SLC25A26: variants seen among roughly 807,000 people sequenced by gnomAD.
SLC25A26 encodes the protein solute carrier family 25 member 26.
SLC25A26 carries 36 observed loss-of-function variants against 37.8 expected under a neutral mutation model. The ratio of observed to expected loss-of-function variants is 0.95; its 90% CI spans 0.73 to 1.26. The LOEUF (loss-of-function observed/expected upper bound fraction) is 1.26, where lower values mean the gene tolerates loss of function less well. Among genes scored for constraint, SLC25A26 ranks in the 50% most tolerant of loss-of-function variants. The pLI is 0.00. For missense variants in SLC25A26, 390 were observed against 331.1 expected (o/e 1.18, Z -1.38); for synonymous variants, 129 against 122.5 (o/e 1.05, Z -0.35).
chr3:66,150,603 GATATATATATATATATATATATATATAT>G (rs1169750069), intron 1 of SLC25A26, among the ~76,000 whole-genome samples: 529 of 26,124 alleles, frequency 0.02, 19 homozygotes, highest in South Asian at 0.18. Context: ...TATGTAATGA[GATATATATATATATATATATATATATAT>G]ATATATATAT....
chr3:66,349,690 G>C (rs988308410), intron 6 of SLC25A26, among the ~76,000 whole-genome samples: 5 of 152,120 alleles, frequency 3.3e-5, no homozygotes, highest in African/African-American at 9.7e-5. Flanking sequence ...ATGGATGTAG[G>C]TTTTTACTTC....
At chr3:66,301,616 G>C in intron 5 of SLC25A26, among the ~76,000 whole-genome samples, 1 of 152,130 alleles carries the variant, frequency 6.6e-6, no homozygotes, top group Non-Finnish European at 1.5e-5. Context: ...ATTTTCATTT[G>C]GGAAAAATGC....
At chr3:66,208,887 C>T (rs1393709257) in intron 1 of SLC25A26, among the ~76,000 whole-genome samples, 2 of 24,070 alleles carry the variant, frequency 8.3e-5, no homozygotes, top group Non-Finnish European at 1.9e-4. Flanking sequence ...TATATATATA[C>T]ACCTTTATAT....
intron 5 of SLC25A26, among the ~76,000 whole-genome samples, chr3:66,302,014 A>G (rs1403081569): frequency 6.6e-6 from 1 of 150,650 alleles, no homozygotes; most frequent in Admixed American, 6.6e-5. Flanking sequence ...AGTCCTATAT[A>G]AATGTTATAA....
intron 1 of SLC25A26, among the ~76,000 whole-genome samples, chr3:66,205,989 T>C (rs1269604222): frequency 1.3e-5 from 2 of 152,204 alleles, no homozygotes; most frequent in African/African-American, 4.8e-5. Flanking sequence ...GTTAGTGCTG[T>C]AAGCAACTAT....
At chr3:66,321,426 C>T (rs531622773) in intron 5 of SLC25A26, among the ~76,000 whole-genome samples, 4 of 152,262 alleles carry the variant, frequency 2.6e-5, no homozygotes, top group African/African-American at 7.2e-5. Flanking sequence ...TCTCAGAGTG[C>T]GCTAGTATGG....
intron 1 of SLC25A26, among the ~76,000 whole-genome samples, chr3:66,212,690 T>C (rs1447810531): frequency 1.3e-5 from 2 of 152,166 alleles, no homozygotes; most frequent in Admixed American, 1.3e-4. Flanking sequence ...CTTTTATCTC[T>C]ATAAATTTGA....
intron 5 of SLC25A26, among the ~76,000 whole-genome samples, chr3:66,335,200 G>A (rs535280677): frequency 5.1e-4 from 77 of 152,278 alleles, no homozygotes; most frequent in African/African-American, 7.7e-4. Flanking sequence ...GTGAAGCATG[G>A]CTTTTCTTTA....
At chr3:66,254,496 A>G (rs983388043) in intron 3 of SLC25A26, among the ~76,000 whole-genome samples, 4 of 152,224 alleles carry the variant, frequency 2.6e-5, no homozygotes, top group African/African-American at 9.6e-5. Flanking sequence ...TTTGAATACG[A>G]TGAAGCTTTG....
At chr3:66,187,388 C>A (rs1007672996) in intron 1 of SLC25A26, among the ~76,000 whole-genome samples, 37 of 152,230 alleles carry the variant, frequency 2.4e-4, no homozygotes, top group African/African-American at 8.7e-4. Context: ...TCACTCTGAA[C>A]CTGACTTGCA....
At chr3:66,307,290 G>A (rs1056301488) in intron 5 of SLC25A26, among the ~76,000 whole-genome samples, 3 of 152,086 alleles carry the variant, frequency 2.0e-5, no homozygotes, top group African/African-American at 7.2e-5. Context: ...TTTGTTGGCC[G>A]CATAAATGTC....
At chr3:66,167,328 T>G (rs2070438346) in intron 1 of SLC25A26, among the ~76,000 whole-genome samples, 1 of 152,124 alleles carries the variant, frequency 6.6e-6, no homozygotes, top group Non-Finnish European at 1.5e-5. Context: ...CTGTGGGAAA[T>G]AATCTGCAAC....
intron 5 of SLC25A26, among the ~76,000 whole-genome samples, chr3:66,277,715 G>A (rs1020567255): frequency 1.9e-4 from 29 of 152,114 alleles, no homozygotes; most frequent in African/African-American, 7.0e-4. Context: ...TTTACAGTTG[G>A]AAAGACTGGC....
intron 1 of SLC25A26, among the ~76,000 whole-genome samples, chr3:66,209,778 GGT>G (rs1491325015): frequency 5.2e-4 from 64 of 124,242 alleles, no homozygotes; most frequent in Non-Finnish European, 6.3e-4. Flanking sequence ...TATCTATAAA[GGT>G]ATATATATAT....
At chr3:66,365,564 T>G (rs2076806041) in intron 7 of SLC25A26, among the ~76,000 whole-genome samples, 1 of 152,206 alleles carries the variant, frequency 6.6e-6, no homozygotes, top group South Asian at 2.1e-4. Context: ...ATATTTTGAT[T>G]AGTTTCTCAT....
chr3:66,221,061 C>CT lies in SLC25A26; in HGVS notation c.-32dup. 6.5e-7 allele frequency: 1 copy of CT among 1,535,878 alleles called. No homozygotes were observed. The highest frequency in any genetic ancestry group is 8.7e-7 in the Non-Finnish European group (1 of 1,146,122). ...AGGACGTGATCCGCTTCTGCTCCGG[C>CT]TTGGATTGTAGCCTTGACGAGGTCT... On this transcript the variant is annotated 5_prime_UTR_variant, in exon 1 of 10. The change abolishes the stop of an existing upstream ORF in the 5' untranslated region. Coordinates refer to ENST00000354883, the MANE Select transcript of SLC25A26 (RefSeq NM_001379210.1).
chr3:66,355,753 T>C (rs192112933), intron 6 of SLC25A26, among the ~76,000 whole-genome samples: 1 of 152,366 alleles, frequency 6.6e-6, no homozygotes, highest in Admixed American at 6.5e-5. Context: ...ACACAATAGC[T>C]TGATCAACTA....
At chr3:66,356,257 T>C (rs903598770) in intron 6 of SLC25A26, among the ~76,000 whole-genome samples, 13 of 152,204 alleles carry the variant, frequency 8.5e-5, no homozygotes, top group Admixed American at 1.3e-4. Context: ...CTTCATAGTA[T>C]TGTGCCTGGT....
At chr3:66,255,965 G>T (rs1000708446) in intron 3 of SLC25A26, among the ~76,000 whole-genome samples, 1 of 152,100 alleles carries the variant, frequency 6.6e-6, no homozygotes, top group African/African-American at 2.4e-5. Context: ...TTTTTCTTCT[G>T]CATCTGTATT....
Sources: gnomAD v4.1 joint callset for allele counts (sites outside exome capture counted in the v4.1 genomes callset) on GRCh38, gnomAD v4.1.1 for gene constraint, MANE v1.5 for transcripts, NCBI Gene and HGNC (gene_info 2026-07-23, HGNC 2026-07-21) for gene names.